The following CASK variants were observed in gnomAD, a reference collection of about 807,000 sequenced individuals.
CASK encodes calcium/calmodulin dependent serine protein kinase, also known as peripheral plasma membrane protein CASK.
A neutral mutation model predicts 82.9 loss-of-function variants in CASK; 4 were observed. The ratio of observed to expected loss-of-function variants is 0.05; its 90% CI spans 0.02 to 0.11. The LOEUF is 0.11. Ranked by LOEUF, CASK falls within the 10% of genes least tolerant of loss-of-function variation. The pLI is 1.00. For missense variants in CASK, 358 were observed against 720.9 expected, an observed-to-expected ratio of 0.50 and a Z score of 5.76; for synonymous variants, 259 against 253.5, an observed-to-expected ratio of 1.02 and a Z score of -0.20.
intron 2 of CASK, among the ~76,000 whole-genome samples, chrX:41,840,050 T>C (rs2071003360): frequency 8.9e-6 from 1 of 112,001 alleles, no homozygotes; most frequent in South Asian, 3.7e-4. Context: ...TCTTCAATAA[T>C]ATGGTGTCTA....
intron 12 of CASK, among the ~76,000 whole-genome samples, chrX:41,602,159 C>T (rs1225886173): frequency 9.0e-6 from 1 of 111,683 alleles, no homozygotes; most frequent in Non-Finnish European, 1.9e-5. Context: ...AGAAATCCTA[C>T]TGGGATGTTG....
intron 2 of CASK, among the ~76,000 whole-genome samples, chrX:41,840,035 C>T (rs964352902): frequency 1.8e-5 from 2 of 111,893 alleles, no homozygotes; most frequent in African/African-American, 6.5e-5. Flanking sequence ...CAACTTTATT[C>T]TTATTCTTCA....
In CASK at chrX:41,520,416, A is replaced by C; in HGVS notation, c.*4T>G. ...CAGTTATGCTCAGATATCTGGGGAG[A>C]GGCCTAATAGACCCAGGAGACAGGG... is the stretch of plus-strand genomic sequence containing the variant. On this transcript the variant is annotated 3_prime_UTR_variant, in exon 27 of 27. Coordinates refer to ENST00000378163, the MANE Select transcript of CASK (RefSeq NM_001367721.1). The C allele has an allele frequency of 8.4e-7, 1 of 1,197,524 alleles. No homozygotes were observed. Among genetic ancestry groups the C allele is most frequent in the Non-Finnish European group, 1.1e-6 (1 of 883,968 alleles).
chrX:41,543,165 C>T (rs1271499525), intron 21 of CASK, among the ~76,000 whole-genome samples: 1 of 112,134 alleles, frequency 8.9e-6, no homozygotes, highest in Admixed American at 9.5e-5. Flanking sequence ...AGACACTTTC[C>T]TAGGAACTTT....
At chrX:41,695,846 G>A (rs2067678071) in intron 5 of CASK, 2 of 1,200,424 alleles carry the variant, frequency 1.7e-6, no homozygotes, top group African/African-American at 3.5e-5. Context: ...GACTGGTTGG[G>A]AACATAATCG....
intron 25 of CASK, among the ~76,000 whole-genome samples, chrX:41,526,180 A>G (rs2064709699): frequency 9.0e-6 from 1 of 111,386 alleles, no homozygotes; most frequent in Admixed American, 9.6e-5. Context: ...TCCTATGCTC[A>G]TAGATCAGGT....
chrX:41,612,655 G>A (rs1213173686), intron 11 of CASK, among the ~76,000 whole-genome samples: 2 of 92,537 alleles, frequency 2.2e-5, no homozygotes, highest in Non-Finnish European at 4.3e-5. Flanking sequence ...GAGGGAGGTG[G>A]GGGGGTCAGA....
intron 5 of CASK, among the ~76,000 whole-genome samples, chrX:41,733,086 G>A (rs1410700518): frequency 9.5e-6 from 1 of 105,428 alleles, no homozygotes; most frequent in African/African-American, 3.5e-5. Context: ...TGAGGCAGGA[G>A]AATTGCTTGA....
chrX:41,563,040 C>CAAAAAAAAAAAAAAA (rs141364032), intron 16 of CASK, among the ~76,000 whole-genome samples: 32 of 22,180 alleles, frequency 1.4e-3, no homozygotes, highest in Non-Finnish European at 1.9e-3. Flanking sequence ...GACTCCATCT[C>CAAAAAAAAAAAAAAA]AAAAAAAAAA....
chrX:41,814,860 A>G (rs997187794), intron 2 of CASK, among the ~76,000 whole-genome samples: 4 of 112,278 alleles, frequency 3.6e-5, no homozygotes, highest in African/African-American at 1.3e-4. Context: ...AATAAGATGT[A>G]TGAAACAAAT....
intron 2 of CASK, among the ~76,000 whole-genome samples, chrX:41,844,373 A>C (rs990001234): frequency 1.8e-5 from 2 of 111,670 alleles, no homozygotes; most frequent in Admixed American, 9.5e-5. Context: ...TTTTGAGTAC[A>C]TATCAGTCTA....
chrX:41,702,107 C>T (rs370708441), intron 5 of CASK, among the ~76,000 whole-genome samples: 3 of 111,186 alleles, frequency 2.7e-5, no homozygotes, highest in Admixed American at 9.6e-5. Flanking sequence ...AAATCTTTGC[C>T]GGGCACGGTG....
chrX:41,681,979 A>G (rs576266431), intron 5 of CASK, among the ~76,000 whole-genome samples: 236 of 102,378 alleles, frequency 2.3e-3, no homozygotes, highest in African/African-American at 8.0e-3. Flanking sequence ...ATTGCTTGAT[A>G]TGTATTGTAG....
intron 25 of CASK, among the ~76,000 whole-genome samples, chrX:41,528,154 A>G (rs2064740949): frequency 8.9e-6 from 1 of 112,597 alleles, no homozygotes; most frequent in African/African-American, 3.2e-5. Context: ...TCGAGTCACA[A>G]TTATGTTAAG....
At chrX:41,838,921 T>C (rs1569464973) in intron 2 of CASK, among the ~76,000 whole-genome samples, 1 of 111,747 alleles carries the variant, frequency 8.9e-6, no homozygotes, top group Non-Finnish European at 1.9e-5. Context: ...CTTTCTTCAT[T>C]GAATTGAGTT....
chrX:41,863,831 A>C (rs1248179828), intron 1 of CASK, among the ~76,000 whole-genome samples: 1 of 111,881 alleles, frequency 8.9e-6, no homozygotes, highest in Admixed American at 9.5e-5. Context: ...TGCATAATCC[A>C]CTCTTTGTAA....
At chrX:41,904,185 T>C (rs767122152) in intron 1 of CASK, among the ~76,000 whole-genome samples, 40 of 112,255 alleles carry the variant, frequency 3.6e-4, no homozygotes, top group African/African-American at 1.2e-3. Flanking sequence ...CATAATGTTT[T>C]TGAAGTTAAT....
intron 26 of CASK, chrX:41,522,104 C>T (rs919545245): frequency 9.0e-6 from 1 of 111,530 alleles, no homozygotes; most frequent in African/African-American, 3.3e-5. Context: ...GGCTTAGGGC[C>T]CCTCCCCTCC....
chrX:41,877,801 A>G (rs1000266064), intron 1 of CASK, among the ~76,000 whole-genome samples: 2 of 111,233 alleles, frequency 1.8e-5, no homozygotes, highest in African/African-American at 6.5e-5. Context: ...TATGGGAAGA[A>G]TTTTTCCTTC....
Sources: gnomAD v4.1 joint callset for allele counts (sites outside exome capture counted in the v4.1 genomes callset) on GRCh38, gnomAD v4.1.1 for gene constraint, MANE v1.5 for transcripts, NCBI Gene and HGNC (gene_info 2026-07-23, HGNC 2026-07-21) for gene names.